Variants in B3GALT1 observed in about 807,000 individuals in gnomAD.
The protein encoded by B3GALT1 is UDP-Gal:betaGlcNAc beta 1,3-galactosyltransferase, polypeptide 1.
B3GALT1 carries 10 observed loss-of-function variants against 23.2 expected under a neutral mutation model. That is an observed-to-expected ratio of 0.43 (90% CI 0.27 to 0.73). The LOEUF (loss-of-function observed/expected upper bound fraction) is 0.73, where lower values mean the gene tolerates loss of function less well. Among genes scored for constraint, B3GALT1 ranks in the 30% least tolerant of loss-of-function variants. B3GALT1 has a pLI of 0.21. For synonymous variants in B3GALT1, 156 were observed against 141.5 expected (o/e 1.10, Z -0.73); for missense variants, 299 against 405.4 (o/e 0.74, Z 2.25).
At position 167,624,049 on chromosome 2, in the gene B3GALT1, G is replaced by A. The variant is rs79174298; in HGVS notation, c.-409-22860G>A. 6.7e-3 allele frequency among the ~76,000 whole-genome samples: 1,016 copies of A among 152,094 alleles called. 9 individuals are homozygous for A. The highest frequency in any genetic ancestry group is 0.024 in the African/African-American group (983 of 41,510). ...TCATCTGATCTCAGTTTTGAAGGGT[G>A]CATATAATTTAGACAAGTCAAGATT... is the stretch of plus-strand genomic sequence containing the variant. On this transcript the variant is annotated intron_variant, in intron 2 of 4. Coordinates refer to ENST00000392690, the MANE Select transcript of B3GALT1 (RefSeq NM_020981.4).
chr2:167,670,994 G>T (rs1686315899), intron 3 of B3GALT1, among the ~76,000 whole-genome samples: 1 of 152,078 alleles, frequency 6.6e-6, no homozygotes, highest in Non-Finnish European at 1.5e-5. Flanking sequence ...GGATGGAAAA[G>T]ATATTCCATG....
intron 2 of B3GALT1, among the ~76,000 whole-genome samples, chr2:167,617,373 C>T (rs534178518): frequency 3.9e-5 from 6 of 152,128 alleles, no homozygotes; most frequent in African/African-American, 1.4e-4. Context: ...ACTCTTAAAC[C>T]TATCAATGGC....
chr2:167,470,319 G>A (rs531737385), intron 1 of B3GALT1, among the ~76,000 whole-genome samples: 13 of 152,118 alleles, frequency 8.5e-5, no homozygotes, highest in African/African-American at 3.1e-4. Context: ...ATTTTCCTGG[G>A]TTTAGCAATT....
chr2:167,693,402 C>T (rs1036385351), intron 3 of B3GALT1, among the ~76,000 whole-genome samples: 32 of 151,866 alleles, frequency 2.1e-4, no homozygotes, highest in Admixed American at 8.5e-4. Context: ...TTTAAAGCCC[C>T]GTAGGAAAAG....
chr2:167,477,231 T>G (rs1292624052), intron 1 of B3GALT1, among the ~76,000 whole-genome samples: 1 of 152,132 alleles, frequency 6.6e-6, no homozygotes, highest in Non-Finnish European at 1.5e-5. Flanking sequence ...AAGAAGGACA[T>G]AAAGATGTTA....
chr2:167,503,175 A>G (rs564662595), intron 2 of B3GALT1, among the ~76,000 whole-genome samples: 1 of 152,306 alleles, frequency 6.6e-6, no homozygotes, highest in African/African-American at 2.4e-5. Flanking sequence ...TTATTGACAC[A>G]CTGAAACATC....
At chr2:167,413,554 A>AT (rs1250303006) in intron 1 of B3GALT1, among the ~76,000 whole-genome samples, 1 of 151,958 alleles carries the variant, frequency 6.6e-6, no homozygotes, top group Non-Finnish European at 1.5e-5. Context: ...TGTTGAATGC[A>AT]TATGTATTTA....
intron 3 of B3GALT1, among the ~76,000 whole-genome samples, chr2:167,803,120 A>ACCC (rs1553489043): frequency 7.3e-6 from 1 of 136,522 alleles, no homozygotes; most frequent in African/African-American, 2.6e-5. Flanking sequence ...ACACACACAC[A>ACCC]CCCCTTGGTT....
At chr2:167,441,092 T>C (rs1006397029) in intron 1 of B3GALT1, among the ~76,000 whole-genome samples, 1 of 152,188 alleles carries the variant, frequency 6.6e-6, no homozygotes, top group Non-Finnish European at 1.5e-5. Flanking sequence ...ATTCTGATTA[T>C]AGATTCCCTG....
At chr2:167,611,668 C>T (rs1685068874) in intron 2 of B3GALT1, among the ~76,000 whole-genome samples, 1 of 151,916 alleles carries the variant, frequency 6.6e-6, no homozygotes, top group Non-Finnish European at 1.5e-5. Flanking sequence ...GTGAGTATTT[C>T]TGTGTACCAA....
intron 3 of B3GALT1, among the ~76,000 whole-genome samples, chr2:167,657,176 G>C (rs993370619): frequency 5.9e-5 from 9 of 152,082 alleles, no homozygotes; most frequent in Non-Finnish European, 1.2e-4. Flanking sequence ...GATACCCAGG[G>C]GATATTCAAA....
At chr2:167,845,183 A>G (rs370227722) in intron 4 of B3GALT1, among the ~76,000 whole-genome samples, 39 of 152,260 alleles carry the variant, frequency 2.6e-4, no homozygotes, top group African/African-American at 9.1e-4. Flanking sequence ...GACAAAGAGC[A>G]TATAATCTTG....
chr2:167,791,621 A>T lies in B3GALT1; in HGVS notation c.-351-27051A>T, dbSNP rs905505101. 5.3e-5 allele frequency among the ~76,000 whole-genome samples: 8 copies of T among 152,234 alleles called. No individual in the cohort carries two copies. In the East Asian group the frequency reaches 1.5e-3, roughly 29 times the overall value. On this transcript the variant is annotated intron_variant, in intron 3 of 4. Transcript: ENST00000392690. Reference sequence around the variant, plus strand: ...TTGATCAGACCTTTAACTAATGCAGAGCACATGTGCCCAGAGGATCCTGTA... The same window carrying T: ...TTGATCAGACCTTTAACTAATGCAGTGCACATGTGCCCAGAGGATCCTGTA...
At chr2:167,845,700 G>A (rs1295396535) in intron 4 of B3GALT1, among the ~76,000 whole-genome samples, 2 of 151,154 alleles carry the variant, frequency 1.3e-5, no homozygotes, top group East Asian at 1.9e-4. Context: ...CTTTAACACC[G>A]CGCCCCCACC....
chr2:167,398,273 A>T (rs868117831), intron 1 of B3GALT1, among the ~76,000 whole-genome samples: 1 of 152,090 alleles, frequency 6.6e-6, no homozygotes, highest in Admixed American at 6.6e-5. Flanking sequence ...TCATACTGTC[A>T]GTCTAGGTCT....
intron 2 of B3GALT1, among the ~76,000 whole-genome samples, chr2:167,496,426 G>A (rs149008654): frequency 5.1e-4 from 77 of 152,288 alleles, no homozygotes; most frequent in African/African-American, 1.7e-3. Flanking sequence ...AGAGTAGAAA[G>A]AAATGTAATT....
intron 3 of B3GALT1, among the ~76,000 whole-genome samples, chr2:167,665,114 C>T (rs1436315398): frequency 6.6e-6 from 1 of 151,862 alleles, no homozygotes; most frequent in Non-Finnish European, 1.5e-5. Context: ...ATAGTTAGCT[C>T]TTATTATTTT....
At position 167,457,848 on chromosome 2, in the gene B3GALT1, C is replaced by T. The variant is rs182946600; in HGVS notation, c.-510-32329C>T. Reference sequence around the variant, plus strand: ...GTGATTTTGTGGCCCCATTCTAGACCGACCGAATTAGAAACTCTTGGGGTG... The same window carrying T: ...GTGATTTTGTGGCCCCATTCTAGACTGACCGAATTAGAAACTCTTGGGGTG... On this transcript the variant is annotated intron_variant, in intron 1 of 4. Coordinates refer to ENST00000392690, the MANE Select transcript of B3GALT1 (RefSeq NM_020981.4). Among the ~76,000 whole-genome samples the T allele has an allele frequency of 6.1e-3, 925 of 152,186 alleles. 6 individuals carry two copies. Among genetic ancestry groups the T allele is most frequent in the Middle Eastern group, 0.024 (7 of 294 alleles).
At chr2:167,653,814 G>A (rs1685906910) in intron 3 of B3GALT1, among the ~76,000 whole-genome samples, 1 of 152,158 alleles carries the variant, frequency 6.6e-6, no homozygotes, top group African/African-American at 2.4e-5. Flanking sequence ...GTGCCCTGGT[G>A]GGAGTTCACT....
Sources: allele counts gnomAD v4.1 joint callset (sites outside exome capture counted in the v4.1 genomes callset), GRCh38; gene constraint gnomAD v4.1.1; transcripts MANE v1.5; gene names NCBI Gene and HGNC (gene_info 2026-07-23, HGNC 2026-07-21).